The following DGKK variants were observed in gnomAD, a reference collection of about 807,000 sequenced individuals.
DGKK encodes the protein diacylglycerol kinase kappa.
DGKK carries 35 observed loss-of-function variants against 92.2 expected under a neutral mutation model. That is an observed-to-expected ratio of 0.38 (90% CI 0.29 to 0.50). The LOEUF is 0.50. Ranked by LOEUF, DGKK falls within the 20% of genes least tolerant of loss-of-function variation. The probability of loss-of-function intolerance (pLI) is 0.92; values close to 1 mark genes in which losing one functional copy is unlikely to be tolerated. For synonymous variants in DGKK, 368 were observed against 360.6 expected (o/e 1.02, Z -0.23); for missense variants, 910 against 992.2 (o/e 0.92, Z 1.11).
In DGKK at chrX:50,415,197, T is replaced by A. The variant is rs185855881; in HGVS notation, c.942+5206A>T. Among the ~76,000 whole-genome samples the A allele has an allele frequency of 8.9e-5, 10 of 111,739 alleles. 1 individual carries two copies. Among genetic ancestry groups the A allele is most frequent in the African/African-American group, 2.9e-4 (9 of 30,754 alleles). On this transcript the variant is annotated intron_variant, in intron 4 of 27. Coordinates refer to ENST00000611977, the MANE Select transcript of DGKK (RefSeq NM_001013742.4). ...CACAGCATTGGCACTGCCCTGCTGA[T>A]CTGTGGGGGTGATGTTGCCACTCGT...
intron 8 of DGKK, among the ~76,000 whole-genome samples, chrX:50,393,790 T>C (rs17003343): frequency 0.27 from 30,421 of 110,836 alleles, 3,334 homozygotes; most frequent in Middle Eastern, 0.39. Flanking sequence ...TCAGTTCTTA[T>C]AGTGAGAAGA....
chrX:50,462,538 T>A (rs1166566370), intron 1 of DGKK, among the ~76,000 whole-genome samples: 1 of 109,490 alleles, frequency 9.1e-6, no homozygotes, highest in Admixed American at 9.7e-5. Context: ...TCAAATATTT[T>A]TTTTCTCCTC....
At chrX:50,437,667 G>A (rs1557230900) in intron 1 of DGKK, among the ~76,000 whole-genome samples, 2 of 111,724 alleles carry the variant, frequency 1.8e-5, no homozygotes, top group African/African-American at 3.3e-5. Flanking sequence ...GAAGAGATCA[G>A]TGGTATTATA....
At chrX:50,469,750 C>G (rs781809482) in intron 1 of DGKK, among the ~76,000 whole-genome samples, 2 of 112,814 alleles carry the variant, frequency 1.8e-5, no homozygotes, top group Admixed American at 1.9e-4. Flanking sequence ...TGGCGCTCAC[C>G]GCACTGTCGC....
chrX:50,437,223 C>A (rs1926052540), intron 1 of DGKK, among the ~76,000 whole-genome samples: 1 of 111,671 alleles, frequency 9.0e-6, no homozygotes, highest in Non-Finnish European at 1.9e-5. Context: ...ACCCTAGAAC[C>A]TACTGCTACC....
At chrX:50,466,836 T>C (rs1926922309) in intron 1 of DGKK, among the ~76,000 whole-genome samples, 1 of 111,680 alleles carries the variant, frequency 9.0e-6, no homozygotes, top group Non-Finnish European at 1.9e-5. Context: ...TGTACAAAAA[T>C]ATCAGTTTTG....
intron 4 of DGKK, among the ~76,000 whole-genome samples, chrX:50,417,508 T>A (rs1166636691): frequency 5.4e-5 from 6 of 111,006 alleles, no homozygotes; most frequent in Non-Finnish European, 9.5e-5. Flanking sequence ...AACTTTTTAA[T>A]CTAGTCTTCC....
In DGKK at chrX:50,401,053, G is replaced by A. The variant is rs782203868; in HGVS notation, c.1395C>T (p.Ser465=). 1.1e-5 allele frequency: 13 copies of A among 1,198,908 alleles called. No individual in the cohort carries two copies. In the South Asian group the frequency reaches 1.1e-4, roughly 10 times the overall value. ...RSSVIPPTAL[S]DPKGDGQLVV... is the part of the protein sequence containing the mutation. ...ACTACTCACCATCGCCTTTGGGGTC[G>A]CTTAGAGCAGTGGGAGGAATGACTG... Residue 465 remains serine (S), a synonymous_variant, in exon 8 of 28, where the codon AGC becomes AGT. Transcript: ENST00000611977.
chrX:50,464,031 A>G (rs1027025547), intron 1 of DGKK, among the ~76,000 whole-genome samples: 34 of 110,499 alleles, frequency 3.1e-4, no homozygotes, highest in African/African-American at 1.0e-3. Context: ...TCAGTTAAAA[A>G]TTAATTAAAA....
intron 8 of DGKK, among the ~76,000 whole-genome samples, 171 bp downstream of exon 8, chrX:50,400,866 C>G (rs901819279): frequency 4.5e-5 from 5 of 111,335 alleles, no homozygotes; most frequent in Non-Finnish European, 9.4e-5. Context: ...ACAACATTCA[C>G]AATCCCAAAG....
chrX:50,468,188 A>C (rs1557234155), intron 1 of DGKK, among the ~76,000 whole-genome samples: 11 of 112,079 alleles, frequency 9.8e-5, no homozygotes. Flanking sequence ...ATGCTTTCGC[A>C]TGGGAGCAGG....
chrX:50,426,835 T>C (rs1400786230), intron 1 of DGKK, among the ~76,000 whole-genome samples: 1 of 111,793 alleles, frequency 8.9e-6, no homozygotes, highest in African/African-American at 3.3e-5. Context: ...TAAAACCCAA[T>C]ACAGTGACAA....
At chrX:50,411,783 C>T (rs1276414335) in intron 4 of DGKK, among the ~76,000 whole-genome samples, 1 of 111,146 alleles carries the variant, frequency 9.0e-6, no homozygotes, top group African/African-American at 3.3e-5. Flanking sequence ...AGTGAAATTG[C>T]CTCTAGTTGC....
chrX:50,466,176 A>T (rs1181127198), intron 1 of DGKK, among the ~76,000 whole-genome samples: 1 of 109,967 alleles, frequency 9.1e-6, no homozygotes, highest in East Asian at 2.9e-4. Flanking sequence ...CTTTTCTAGA[A>T]CACCCTGTAG....
intron 1 of DGKK, among the ~76,000 whole-genome samples, chrX:50,430,042 T>A (rs1285333205): frequency 8.9e-6 from 1 of 112,540 alleles, no homozygotes; most frequent in Non-Finnish European, 1.9e-5. Flanking sequence ...AAATTTTTCC[T>A]CTCAAATAAG....
chrX:50,437,350 A>T (rs183515783), intron 1 of DGKK, among the ~76,000 whole-genome samples: 2 of 109,184 alleles, frequency 1.8e-5, no homozygotes, highest in African/African-American at 6.7e-5. Flanking sequence ...TCCTTTTCCG[A>T]CTTCTCCCTG....
intron 1 of DGKK, among the ~76,000 whole-genome samples, chrX:50,440,987 C>T (rs1229408135): frequency 9.0e-6 from 1 of 111,489 alleles, no homozygotes; most frequent in Non-Finnish European, 1.9e-5. Context: ...GCCTTCAATC[C>T]TCATGGCTTC....
At chrX:50,469,086 C>T (rs1926985024) in intron 1 of DGKK, among the ~76,000 whole-genome samples, 1 of 111,056 alleles carries the variant, frequency 9.0e-6, no homozygotes, top group Non-Finnish European at 1.9e-5. Context: ...AACCTTTTTC[C>T]TCCCTACTCC....
chrX:50,384,922 T>C, intron 15 of DGKK, 98 bp from the exon 16 acceptor site: 1 of 572,725 alleles, frequency 1.7e-6, no homozygotes, highest in Non-Finnish European at 2.8e-6. Context: ...AAAGATTAAT[T>C]ACACTTATTG....
Sources: gnomAD v4.1 joint callset for allele counts (sites outside exome capture counted in the v4.1 genomes callset) on GRCh38, gnomAD v4.1.1 for gene constraint, MANE v1.5 for transcripts, NCBI Gene and HGNC (gene_info 2026-07-23, HGNC 2026-07-21) for gene names.